Variants in CHRM3 observed in about 807,000 individuals in gnomAD.
CHRM3 encodes the protein cholinergic receptor muscarinic 3.
In CHRM3, 11 loss-of-function variants were observed where a neutral mutation model predicts 41.8. The ratio of observed to expected loss-of-function variants is 0.26; its 90% CI spans 0.17 to 0.44. The LOEUF is 0.44. Among genes scored for constraint, CHRM3 ranks in the 20% least tolerant of loss-of-function variants. The pLI is 1.00. For synonymous variants in CHRM3, 297 were observed against 301.4 expected (o/e 0.99, Z 0.15); for missense variants, 571 against 745.4 (o/e 0.77, Z 2.72).
rs551205801 is a variant in CHRM3 at position 239,750,378 on chromosome 1, T to C, written c.-147+72090T>C. ...GGCTGTCTCCAGTGATACATATTAT[T>C]GTAATCAAATGTAGTTTTGCAATTT... On this transcript the variant is annotated intron_variant, in intron 5 of 6. Coordinates refer to ENST00000676153, the MANE Select transcript of CHRM3 (RefSeq NM_001375978.1). Among the ~76,000 whole-genome samples the C allele has an allele frequency of 9.2e-5, 14 of 152,360 alleles. No homozygotes were observed. In the South Asian group the frequency reaches 2.7e-3, roughly 29 times the overall value.
At chr1:239,456,669 T>C (rs1215515267) in intron 1 of CHRM3, among the ~76,000 whole-genome samples, 1 of 152,146 alleles carries the variant, frequency 6.6e-6, no homozygotes, top group Non-Finnish European at 1.5e-5. Flanking sequence ...ATGGCCCAAT[T>C]GGGGTACCCT....
intron 1 of CHRM3, among the ~76,000 whole-genome samples, chr1:239,425,576 C>G (rs1328335986): frequency 1.3e-5 from 2 of 152,140 alleles, no homozygotes; most frequent in Non-Finnish European, 2.9e-5. Context: ...GGTGTTAAAT[C>G]AACAACTTCC....
chr1:239,422,345 T>C (rs117273168), intron 1 of CHRM3, among the ~76,000 whole-genome samples: 280 of 152,302 alleles, frequency 1.8e-3, no homozygotes, highest in South Asian at 0.013. Context: ...ATTTAGGGAG[T>C]TTCTGGGACA....
intron 2 of CHRM3, among the ~76,000 whole-genome samples, chr1:239,499,229 T>C (rs995068822): frequency 6.6e-6 from 1 of 152,138 alleles, no homozygotes; most frequent in African/African-American, 2.4e-5. Context: ...TCGGTGCTAT[T>C]TCATGCCTTT....
intron 5 of CHRM3, among the ~76,000 whole-genome samples, chr1:239,696,143 AT>A (rs1660163792): frequency 6.6e-6 from 1 of 152,168 alleles, no homozygotes; most frequent in Admixed American, 6.5e-5. Context: ...TGGGTGGGAC[AT>A]TTAACCTCCC....
chr1:239,695,070 G>A (rs1660059604), intron 5 of CHRM3, among the ~76,000 whole-genome samples: 1 of 152,172 alleles, frequency 6.6e-6, no homozygotes, highest in South Asian at 2.1e-4. Context: ...GAATGCAGTG[G>A]CGCCATCTCA....
At chr1:239,592,411 A>G (rs1392131492) in intron 3 of CHRM3, among the ~76,000 whole-genome samples, 1 of 152,158 alleles carries the variant, frequency 6.6e-6, no homozygotes, top group African/African-American at 2.4e-5. Flanking sequence ...CCTAAAAAAG[A>G]AAACACATGC....
At chr1:239,389,965 G>A (rs1210718632) in intron 1 of CHRM3, among the ~76,000 whole-genome samples, 1 of 152,162 alleles carries the variant, frequency 6.6e-6, no homozygotes, top group Admixed American at 6.6e-5. Context: ...GATGGAGACT[G>A]ATCAGTATGC....
intron 6 of CHRM3, among the ~76,000 whole-genome samples, chr1:239,870,929 C>T (rs1159025488): frequency 2.0e-5 from 3 of 152,088 alleles, no homozygotes; most frequent in South Asian, 2.1e-4. Flanking sequence ...ATTAAAAAAA[C>T]GATAAACTAC....
intron 5 of CHRM3, among the ~76,000 whole-genome samples, chr1:239,737,100 T>C (rs1000669726): frequency 5.3e-5 from 8 of 152,176 alleles, no homozygotes; most frequent in Non-Finnish European, 1.2e-4. Context: ...TTTTCTTCAT[T>C]CATATTACTT....
At chr1:239,579,319 C>T (rs1662655279) in intron 3 of CHRM3, among the ~76,000 whole-genome samples, 2 of 152,126 alleles carry the variant, frequency 1.3e-5, no homozygotes, top group Non-Finnish European at 2.9e-5. Flanking sequence ...TTCATGAAGT[C>T]CATCACTGTG....
Position 239,446,702 on chromosome 1 carries a change from C to A in CHRM3, c.-520-46007C>A, listed in dbSNP as rs535398360. Among the ~76,000 whole-genome samples the A allele has an allele frequency of 2.6e-5, 4 of 152,244 alleles. No individual in the cohort carries two copies. In the South Asian group the frequency reaches 8.3e-4, roughly 32 times the overall value. ...AACAACTTGGCAATGTGAAAGTCTA[C>A]ATTTGAGGGCCTGTACTACTGAAAT... On this transcript the variant is annotated intron_variant, in intron 1 of 6. Coordinates refer to ENST00000676153, the MANE Select transcript of CHRM3 (RefSeq NM_001375978.1).
chr1:239,871,362 C>T (rs147442245), intron 6 of CHRM3, among the ~76,000 whole-genome samples: 1,749 of 152,214 alleles, frequency 0.011, 12 homozygotes, highest in Non-Finnish European at 0.019. Context: ...CTGCCTCAGC[C>T]TCCTGAGTAG....
intron 6 of CHRM3, among the ~76,000 whole-genome samples, chr1:239,873,913 G>A (rs539194666): frequency 1.3e-4 from 20 of 152,134 alleles, no homozygotes; most frequent in South Asian, 4.2e-4. Flanking sequence ...TCCTCTCATC[G>A]GAGTTTCTCT....
intron 6 of CHRM3, among the ~76,000 whole-genome samples, chr1:239,857,023 G>A (rs1211407598): frequency 2.0e-5 from 3 of 152,172 alleles, no homozygotes; most frequent in Non-Finnish European, 4.4e-5. Context: ...GTGAATACTT[G>A]TATTCTTTGA....
chr1:239,889,072 A>G (rs1678314689), intron 6 of CHRM3, among the ~76,000 whole-genome samples: 1 of 152,188 alleles, frequency 6.6e-6, no homozygotes. Flanking sequence ...AGAGTGAAGT[A>G]AAGAGTGGAA....
At chr1:239,877,424 T>TA (rs11317539) in intron 6 of CHRM3, among the ~76,000 whole-genome samples, 2 of 150,244 alleles carry the variant, frequency 1.3e-5, no homozygotes, top group African/African-American at 4.9e-5. Context: ...TCTATAAAAA[T>TA]AAAAAAAAAA....
At chr1:239,896,757 G>A (rs6429165) in intron 6 of CHRM3, among the ~76,000 whole-genome samples, 47,169 of 151,970 alleles carry the variant, frequency 0.31, 9,331 homozygotes, top group African/African-American at 0.56. Flanking sequence ...GATAGCGTCT[G>A]CCTACTATAT....
At chr1:239,662,780 TCTC>T (rs1379502544) in intron 4 of CHRM3, among the ~76,000 whole-genome samples, 4 of 151,776 alleles carry the variant, frequency 2.6e-5, no homozygotes, top group African/African-American at 4.8e-5. Context: ...ACTTCTTCCT[TCTC>T]CTTTGTCCTC....
Sources: gnomAD v4.1 joint callset for allele counts (sites outside exome capture counted in the v4.1 genomes callset) on GRCh38, gnomAD v4.1.1 for gene constraint, MANE v1.5 for transcripts, NCBI Gene and HGNC (gene_info 2026-07-23, HGNC 2026-07-21) for gene names.